The following BLMH variants were observed in gnomAD, a reference collection of about 807,000 sequenced individuals.
The protein encoded by BLMH is bleomycin hydrolase, also known as BLM hydrolase.
BLMH carries 32 observed loss-of-function variants against 61.6 expected under a neutral mutation model. That is an observed-to-expected ratio of 0.52 (90% CI 0.39 to 0.70). The LOEUF is 0.70. Ranked by LOEUF, BLMH falls within the 30% of genes least tolerant of loss-of-function variation. The probability of loss-of-function intolerance (pLI) is 0.00; values close to 1 mark genes in which losing one functional copy is unlikely to be tolerated. For synonymous variants in BLMH, 183 were observed against 193.8 expected, an observed-to-expected ratio of 0.94 and a Z score of 0.46; for missense variants, 460 against 555.5, an observed-to-expected ratio of 0.83 and a Z score of 1.73.
At chr17:30,282,138 G>C (rs1908607474) in intron 6 of BLMH, among the ~76,000 whole-genome samples, 1 of 151,634 alleles carries the variant, frequency 6.6e-6, no homozygotes, top group African/African-American at 2.4e-5. Flanking sequence ...GGACTCAAGT[G>C]ATCTGCCTTA....
At chr17:30,269,530 T>C (rs974701169) in intron 10 of BLMH, among the ~76,000 whole-genome samples, 3 of 152,214 alleles carry the variant, frequency 2.0e-5, no homozygotes, top group Non-Finnish European at 4.4e-5. Context: ...AATTCAAATG[T>C]GAGAATTTTG....
intron 11 of BLMH, among the ~76,000 whole-genome samples, chr17:30,265,676 A>C (rs971277808): frequency 3.9e-5 from 6 of 151,914 alleles, no homozygotes; most frequent in African/African-American, 1.5e-4. Context: ...TAGTCTACTA[A>C]GGTGCGGTTA....
At chr17:30,267,297 CTA>C (rs2143021258) in intron 10 of BLMH, among the ~76,000 whole-genome samples, 1 of 152,278 alleles carries the variant, frequency 6.6e-6, no homozygotes, top group African/African-American at 2.4e-5. Flanking sequence ...TATTAACCTA[CTA>C]AAAGCAGTAA....
intron 11 of BLMH, among the ~76,000 whole-genome samples, chr17:30,257,878 A>G (rs1222900451): frequency 2.0e-5 from 3 of 152,220 alleles, no homozygotes; most frequent in African/African-American, 7.2e-5. Context: ...TCAGCAACAG[A>G]TAGCATTTAG....
chr17:30,264,771 G>A (rs1382614671), intron 11 of BLMH, among the ~76,000 whole-genome samples: 1 of 152,198 alleles, frequency 6.6e-6, no homozygotes, highest in Non-Finnish European at 1.5e-5. Context: ...AGAAGCTGCA[G>A]GGGGTTCATT....
intron 5 of BLMH, among the ~76,000 whole-genome samples, chr17:30,286,306 C>T (rs1908726057): frequency 6.6e-6 from 1 of 152,184 alleles, no homozygotes; most frequent in African/African-American, 2.4e-5. Context: ...AGAGAAGACA[C>T]AATGATTCAT....
intron 4 of BLMH, 144 bp from the exon 5 acceptor site, chr17:30,287,046 G>A (rs1054219629): frequency 6.6e-6 from 4 of 605,808 alleles, no homozygotes; most frequent in African/African-American, 1.9e-5. Flanking sequence ...AGGGTTTTTT[G>A]TTTTTTGTTT....
At chr17:30,258,125 G>A (rs1362878777) in intron 11 of BLMH, among the ~76,000 whole-genome samples, 1 of 151,834 alleles carries the variant, frequency 6.6e-6, no homozygotes, top group Non-Finnish European at 1.5e-5. Context: ...ATACTACCAT[G>A]TTTGGCGAGC....
chr17:30,276,940 A>C (rs1449404909), intron 6 of BLMH, among the ~76,000 whole-genome samples: 1 of 152,212 alleles, frequency 6.6e-6, no homozygotes, highest in African/African-American at 2.4e-5. Flanking sequence ...AACTTCGTAT[A>C]AAAGTATTCA....
chr17:30,289,434 A>G lies in BLMH; in HGVS notation c.260T>C (p.Met87Thr). ...SCLNVMRLPF[M>T]KKLNIEEFEF... is the part of the protein sequence containing the mutation. ...AAATTCTTCAATATTTAACTTTTTCATGAATGGAAGCCTCATAACATTCAG... is the reference window on the plus strand; with the variant it reads ...AAATTCTTCAATATTTAACTTTTTCGTGAATGGAAGCCTCATAACATTCAG... Residue 87 changes from methionine to threonine, a missense_variant, in exon 3 of 12, where the codon ATG becomes ACG. This residue lies in a region of BLMH where 43 missense variants were observed against 38.8 expected (regional missense o/e 1.11). Coordinates refer to ENST00000261714, the MANE Select transcript of BLMH (RefSeq NM_000386.4). 6.2e-7 allele frequency: 1 copy of G among 1,612,854 alleles called. No individual in the cohort carries two copies. Among genetic ancestry groups the G allele is most frequent in the Non-Finnish European group, 8.5e-7 (1 of 1,179,334 alleles).
At position 30,271,337 on chromosome 17, in the gene BLMH, C is replaced by T. The variant is rs144143710; in HGVS notation, c.1080G>A (p.Ala360=). Residue 360 remains alanine, a synonymous_variant, in exon 10 of 12, where the codon GCG becomes GCA. Transcript: ENST00000261714. ...FGVSLKNMNK[A]ERLTFGESLM... is the part of the protein sequence containing the mutation. Reference sequence around the variant, plus strand: ...GTGACTCACCAAAAGTCAGCCTCTCCGCTTTATTCATGTTCTTCAAGGAGA... The same window carrying T: ...GTGACTCACCAAAAGTCAGCCTCTCTGCTTTATTCATGTTCTTCAAGGAGA... 2.8e-4 allele frequency: 452 copies of T among 1,614,120 alleles called. 1 individual carries two copies. In the African/African-American group the frequency reaches 3.5e-3, roughly 13 times the overall value.
chr17:30,280,414 T>C (rs1357132409), intron 6 of BLMH, among the ~76,000 whole-genome samples: 3 of 152,204 alleles, frequency 2.0e-5, no homozygotes, highest in Non-Finnish European at 4.4e-5. Flanking sequence ...TCTAAAGCAC[T>C]GTAAAAATAT....
intron 11 of BLMH, chr17:30,252,061 T>C (rs1428755068): frequency 6.6e-6 from 1 of 152,188 alleles, no homozygotes; most frequent in Non-Finnish European, 1.5e-5. Flanking sequence ...CATCTGTGTT[T>C]AATCTGTTGC....
intron 1 of BLMH, 22 bp downstream of exon 1, chr17:30,291,785 G>T (rs779126514): frequency 4.3e-6 from 6 of 1,403,038 alleles, no homozygotes; most frequent in Non-Finnish European, 5.5e-6. Flanking sequence ...GAGGACCGCG[G>T]CGGGGGACGG....
At position 30,266,965 on chromosome 17, in the gene BLMH, G is replaced by A; in HGVS notation, c.1147-11C>T. Reference sequence around the variant, plus strand: ...ACCATCCTGATCATCCTGCAAAAAAGTGGATGATGGTGAGTAGTCTGAAGC... The same window carrying A: ...ACCATCCTGATCATCCTGCAAAAAAATGGATGATGGTGAGTAGTCTGAAGC... On this transcript the variant is annotated splice_polypyrimidine_tract_variant and intron_variant, in intron 10 of 11. Coordinates refer to ENST00000261714, the MANE Select transcript of BLMH (RefSeq NM_000386.4). 6.2e-7 allele frequency: 1 copy of A among 1,613,348 alleles called. No homozygotes were observed. Among genetic ancestry groups the A allele is most frequent in the Middle Eastern group, 1.7e-4 (1 of 6,056 alleles).
At chr17:30,291,104 C>T in intron 2 of BLMH, 1 of 606,780 alleles carries the variant, frequency 1.6e-6, no homozygotes, top group East Asian at 2.8e-5. Context: ...CACTTTTGTA[C>T]TCTAACCGCA....
At chr17:30,273,978 A>G in intron 7 of BLMH, 64 bp downstream of exon 7, 1 of 1,578,986 alleles carries the variant, frequency 6.3e-7, no homozygotes, top group Non-Finnish European at 8.7e-7. Flanking sequence ...ATCTTATACA[A>G]TTCCCTGTGG....
At chr17:30,288,120 C>T in intron 3 of BLMH, 173 bp from the exon 4 acceptor site, 1 of 599,666 alleles carries the variant, frequency 1.7e-6, no homozygotes, top group South Asian at 3.0e-5. Flanking sequence ...GTACAGAGGC[C>T]ATGCTAATCT....
chr17:30,285,398 A>G lies in BLMH; in HGVS notation c.635T>C (p.Met212Thr), dbSNP rs1733076544. 1 of 1,610,654 alleles carries G rather than the reference A, an allele frequency of 6.2e-7. No individual in the cohort carries two copies. Among genetic ancestry groups the G allele is most frequent in the Non-Finnish European group, 8.5e-7 (1 of 1,178,390 alleles). The stretch of plus-strand genomic sequence containing the variant: ...AAATTTTGTTATTACCTCCTCCATC[A>G]TGACGTCCTGTGTGGCCGAGATTTC... ...KGEISATQDV[M>T]MEEIFRVVCI... The change falls in exon 6 of 12, where the codon ATG becomes ACG. Residue 212 changes from methionine to threonine, a missense_variant. Transcript: ENST00000261714.
Sources: gnomAD v4.1 joint callset for allele counts (sites outside exome capture counted in the v4.1 genomes callset) on GRCh38, gnomAD v4.1.1 for gene constraint, gnomAD v4.1.1 regional missense constraint, MANE v1.5 for transcripts, NCBI Gene and HGNC (gene_info 2026-07-23, HGNC 2026-07-21) for gene names.